CCDC186: variants seen among roughly 807,000 people sequenced by gnomAD.
CCDC186 encodes coiled-coil domain-containing protein 186.
CCDC186 carries 49 observed loss-of-function variants against 113.7 expected under a neutral mutation model. That is an observed-to-expected ratio of 0.43 (90% CI 0.34 to 0.55). The LOEUF (loss-of-function observed/expected upper bound fraction) is 0.55. Among genes scored for constraint, CCDC186 ranks in the 20% least tolerant of loss-of-function variants. The pLI is 0.02. For synonymous variants in CCDC186, 355 were observed against 345.8 expected (o/e 1.03, Z -0.30); for missense variants, 890 against 1,011.1 (o/e 0.88, Z 1.62).
At chr10:114,165,391 CACTT>C (rs1354897167) in intron 1 of CCDC186, among the ~76,000 whole-genome samples, 1 of 152,194 alleles carries the variant, frequency 6.6e-6, no homozygotes, top group Admixed American at 6.5e-5. Context: ...CAAAGTAACT[CACTT>C]TAAGATATAA....
intron 1 of CCDC186, among the ~76,000 whole-genome samples, chr10:114,171,002 T>C (rs2032478941): frequency 6.6e-6 from 1 of 152,132 alleles, no homozygotes; most frequent in Non-Finnish European, 1.5e-5. Flanking sequence ...AGTTACACCA[T>C]ATATGTCATA....
At chr10:114,139,591 A>C (rs1022225176) in intron 6 of CCDC186, among the ~76,000 whole-genome samples, 1 of 151,906 alleles carries the variant, frequency 6.6e-6, no homozygotes, top group Non-Finnish European at 1.5e-5. Flanking sequence ...AAAAAAAAAC[A>C]AAAATAAACT....
Position 114,163,177 on chromosome 10 carries a change from G to C in CCDC186, c.92C>G (p.Ser31Cys), listed in dbSNP as rs779826914. 1.1e-5 allele frequency: 17 copies of C among 1,613,826 alleles called. No individual in the cohort carries two copies. Among genetic ancestry groups the C allele is most frequent in the Non-Finnish European group, 1.4e-5 (17 of 1,179,986 alleles). ...ELKEDSCNLF[S>C]GNESSKLENE... ...TTCTAATTTGCTGCTTTCATTGCCA[G>C]AAAACAAGTTGCATGAGTCTTCCTT... Residue 31 changes from serine to cysteine, a missense_variant, in exon 2 of 16, where the codon TCT (serine) becomes TGT (cysteine). By Grantham distance (112) the Ser-to-Cys change is moderately radical. Transcript: ENST00000369287.
Position 114,144,483 on chromosome 10 carries a change from A to G in CCDC186, c.1221+14T>C, listed in dbSNP as rs746996567. ...CTCATTCTAATCATTATTCCATTGT[A>G]TTACAGTACGTACCTTGTGTGAATC... On this transcript the variant is annotated intron_variant, in intron 6 of 15. Transcript: ENST00000369287. The G allele has an allele frequency of 1.9e-6, 3 of 1,604,540 alleles. No individual in the cohort carries two copies. The Admixed American group carries it at 5.2e-5, about 28-fold the overall frequency.
At chr10:114,148,110 G>A (rs1589620047) in intron 4 of CCDC186, among the ~76,000 whole-genome samples, 1 of 152,118 alleles carries the variant, frequency 6.6e-6, no homozygotes, top group Non-Finnish European at 1.5e-5. Flanking sequence ...ACTCCAGCCT[G>A]GGCAACAGAC....
At chr10:114,133,954 T>C (rs1482191861) in intron 10 of CCDC186, among the ~76,000 whole-genome samples, 2 of 151,846 alleles carry the variant, frequency 1.3e-5, no homozygotes, top group African/African-American at 4.8e-5. Context: ...AAAAAGAAAG[T>C]GGAGAAAGGT....
rs1416351273 is a variant in CCDC186, at chr10:114,132,248, G to C, written c.1656-64C>G. The stretch of plus-strand genomic sequence containing the variant: ...TTAAAAGACATTAAATTAATGGTTT[G>C]GGAATTTTCATCTAGTCAAATGCTT... On this transcript the variant is annotated intron_variant, in intron 10 of 15. Coordinates refer to ENST00000369287, the MANE Select transcript of CCDC186 (RefSeq NM_018017.4). The C allele has an allele frequency of 8.2e-6, 10 of 1,219,818 alleles. No individual in the cohort carries two copies. In the East Asian group the frequency reaches 2.6e-4, roughly 32 times the overall value. The allele number at this position is 1,219,818 out of a possible 1,614,324, so 75.6% of individuals were successfully genotyped here.
Position 114,121,175 on chromosome 10 carries a change from T to G in CCDC186, c.*3968A>C, listed in dbSNP as rs1397808709. 1 of 152,228 alleles carries G rather than the reference T, an allele frequency of 6.6e-6. No homozygotes were observed. Among genetic ancestry groups the G allele is most frequent in the Non-Finnish European group, 1.5e-5 (1 of 68,040 alleles). The allele number at this position is 152,228 out of a possible 1,614,324, so 9.4% of individuals were successfully genotyped here. The stretch of plus-strand genomic sequence containing the variant: ...CTCCATGTTTAGATTACCTTTTCAA[T>G]TTTTCTTTGTTCATCTTTGAAAAAT... On this transcript the variant is annotated 3_prime_UTR_variant, in exon 16 of 16. Transcript: ENST00000369287.
Position 114,129,894 on chromosome 10 carries a change from A to G in CCDC186, c.2179T>C (p.Ser727Pro). ...ACTAGAGCCACTAGTTTTTTACCTG[A>G]TGAACTAGAACGACTTCCCATGCTG... The part of the protein sequence containing the change: ...VSSMGSRSSS[S>P]GSLNARSSAE... The change falls in exon 13 of 16, where the codon TCA (serine) becomes CCA (proline). Residue 727 changes from serine to proline, a missense_variant. Transcript: ENST00000369287. 6.2e-7 allele frequency: 1 copy of G among 1,613,310 alleles called. No individual in the cohort carries two copies. Among genetic ancestry groups the G allele is most frequent in the South Asian group, 1.1e-5 (1 of 91,032 alleles).
At chr10:114,167,013 T>C (rs1184651497) in intron 1 of CCDC186, among the ~76,000 whole-genome samples, 1 of 147,672 alleles carries the variant, frequency 6.8e-6, no homozygotes, top group Admixed American at 6.8e-5. Flanking sequence ...GCTTGCAAGC[T>C]GGTTTTTTTT....
At chr10:114,148,001 GGTGTGCACCTGTA>G (rs1471472973) in intron 4 of CCDC186, among the ~76,000 whole-genome samples, 1 of 152,056 alleles carries the variant, frequency 6.6e-6, no homozygotes, top group African/African-American at 2.4e-5. Context: ...TGGGCATGGT[GGTGTGCACCTGTA>G]GTCCCAGCTA....
At chr10:114,154,997 T>C (rs2031968115) in intron 3 of CCDC186, among the ~76,000 whole-genome samples, 2 of 152,228 alleles carry the variant, frequency 1.3e-5, no homozygotes, top group South Asian at 4.1e-4. Context: ...GTACCTATTA[T>C]ATAATTCCAT....
Position 114,163,048 on chromosome 10 carries a change from C to G in CCDC186, c.221G>C (p.Gly74Ala). The G allele has an allele frequency of 6.2e-7, 1 of 1,614,110 alleles. No homozygotes were observed. The highest frequency in any genetic ancestry group is 8.5e-7 in the Non-Finnish European group (1 of 1,179,988). Residue 74 changes from glycine to alanine, a missense_variant, in exon 2 of 16, where the codon GGT becomes GCT. Physicochemically the swap from Gly to Ala is moderately conservative, Grantham distance 60 (BLOSUM62 0). Coordinates refer to ENST00000369287, the MANE Select transcript of CCDC186 (RefSeq NM_018017.4). ...EAQENYIPDHGGGEDSCAKTD... is the reference protein window; with the variant it reads ...EAQENYIPDHAGGEDSCAKTD... The stretch of plus-strand genomic sequence containing the variant: ...TTTGGCACAAGAATCCTCACCTCCA[C>G]CATGATCTGGAATATAATTTTCCTG...
chr10:114,147,144 A>ACT (rs549962009), intron 4 of CCDC186, among the ~76,000 whole-genome samples: 12 of 152,316 alleles, frequency 7.9e-5, no homozygotes, highest in Non-Finnish European at 1.5e-4. Flanking sequence ...GTACTTAGAA[A>ACT]AAGTCAATAG....
At chr10:114,139,660 T>A (rs901654342) in intron 6 of CCDC186, among the ~76,000 whole-genome samples, 5 of 152,124 alleles carry the variant, frequency 3.3e-5, no homozygotes, top group African/African-American at 9.7e-5. Flanking sequence ...AAGTTATATA[T>A]TTTCAGTTGC....
At chr10:114,163,445 C>T (rs772951333) in intron 1 of CCDC186, 116 bp from the exon 2 acceptor site, 47 of 822,222 alleles carry the variant, frequency 5.7e-5, no homozygotes, top group Non-Finnish European at 8.1e-5. Flanking sequence ...CTAACAATTC[C>T]TTTAAAAGCC....
intron 4 of CCDC186, among the ~76,000 whole-genome samples, chr10:114,149,564 AAAGGGAAGGGAAGGGAAGGGAAGGG>A (rs750496913): frequency 6.3e-5 from 3 of 47,832 alleles, no homozygotes; most frequent in African/African-American, 2.7e-4. Context: ...GAAGGAAAGG[AAAGGGAAGGGAAGGGAAGGGAAGGG>A]AAGGGAAGGG....
chr10:114,165,896 A>G (rs1199928511), intron 1 of CCDC186: 1 of 974,926 alleles, frequency 1.0e-6, no homozygotes, highest in Non-Finnish European at 1.2e-6. Flanking sequence ...GAGTCAAATT[A>G]TACCTCTTCA....
Position 114,139,463 on chromosome 10 carries a change from TGAGGCAGAAGAATCGCTTGACCCTGG to T in CCDC186, c.1222-2199_1222-2174del, listed in dbSNP as rs1406149525. 1.5e-4 allele frequency among the ~76,000 whole-genome samples: 23 copies of T among 151,344 alleles called. No homozygotes were observed. In the South Asian group the frequency reaches 2.1e-3, roughly 14 times the overall value. Reference sequence around the variant, plus strand: ...CTCTAATCCCAGCTACTCAGGAGGCTGAGGCAGAAGAATCGCTTGACCCTGGGAGGCAGAGGTTGCAGTGAGCCAAG... The same window carrying T: ...CTCTAATCCCAGCTACTCAGGAGGCTGAGGCAGAGGTTGCAGTGAGCCAAG... On this transcript the variant is annotated intron_variant, in intron 6 of 15. Transcript: ENST00000369287.
Sources: allele counts gnomAD v4.1 joint callset (sites outside exome capture counted in the v4.1 genomes callset), GRCh38; gene constraint gnomAD v4.1.1; transcripts MANE v1.5; gene names NCBI Gene and HGNC (gene_info 2026-07-23, HGNC 2026-07-21).